SLC20A1: variants seen among roughly 807,000 people sequenced by gnomAD.
SLC20A1 encodes solute carrier family 20 member 1.
SLC20A1 carries 28 observed loss-of-function variants against 62.7 expected under a neutral mutation model. That is an observed-to-expected ratio of 0.45 (90% CI 0.33 to 0.61). The LOEUF (loss-of-function observed/expected upper bound fraction) is 0.61. Among genes scored for constraint, SLC20A1 ranks in the 20% least tolerant of loss-of-function variants. SLC20A1 has a pLI of 0.02. For missense variants in SLC20A1, 673 were observed against 838.6 expected (o/e 0.80, Z 2.44); for synonymous variants, 305 against 302.9 (o/e 1.01, Z -0.07).
chr2:112,648,494 ATTG>A (rs1686344668), intron 4 of SLC20A1, among the ~76,000 whole-genome samples: 3 of 152,226 alleles, frequency 2.0e-5, no homozygotes, highest in Non-Finnish European at 2.9e-5. Flanking sequence ...TTAACAATCC[ATTG>A]TAAGTTCTTA....
rs760782418 is a variant in SLC20A1 at position 112,661,195 on chromosome 2, T to G, written c.1847T>G (p.Ile616Ser). Reference protein sequence around the residue: ...SALTVVIASNIGLPISTTHCK... With the variant: ...SALTVVIASNSGLPISTTHCK... ...CTCACTGTGGTGATTGCATCAAATA[T>G]TGGCCTTCCCATCAGTACAACACAT... Residue 616 changes from isoleucine to serine, a missense_variant, in exon 10 of 11, where the codon ATT becomes AGT. Ile to Ser is a moderately radical substitution (Grantham distance 142, BLOSUM62 -2). Transcript: ENST00000272542. 1 of 1,614,028 alleles carries G rather than the reference T, an allele frequency of 6.2e-7. No homozygotes were observed. The highest frequency in any genetic ancestry group is 8.5e-7 in the Non-Finnish European group (1 of 1,179,870).
chr2:112,649,927 CA>C (rs1279706455), intron 4 of SLC20A1, among the ~76,000 whole-genome samples: 1 of 152,152 alleles, frequency 6.6e-6, no homozygotes, highest in Non-Finnish European at 1.5e-5. Flanking sequence ...ACATTATTTC[CA>C]GGTGAAGTTT....
At chr2:112,657,021 G>A (rs72823508) in intron 5 of SLC20A1, 101 bp from the exon 6 acceptor site, 166 of 1,370,740 alleles carry the variant, frequency 1.2e-4, no homozygotes, top group Non-Finnish European at 1.7e-4. Flanking sequence ...AGGGGTGATG[G>A]GCTGGTATGG....
chr2:112,653,895 C>T (rs1686512377), intron 5 of SLC20A1, among the ~76,000 whole-genome samples: 1 of 152,114 alleles, frequency 6.6e-6, no homozygotes, highest in African/African-American at 2.4e-5. Flanking sequence ...CGGGTTCAAG[C>T]AATTCTCCTG....
chr2:112,650,570 C>G (rs1487294747), intron 4 of SLC20A1, among the ~76,000 whole-genome samples: 2 of 151,818 alleles, frequency 1.3e-5, no homozygotes, highest in Non-Finnish European at 1.5e-5. Context: ...ACCTCAGGTG[C>G]TCTGTCCGTC....
intron 4 of SLC20A1, chr2:112,652,198 C>A: frequency 6.4e-6 from 1 of 157,330 alleles, no homozygotes; most frequent in Admixed American, 6.2e-5. Context: ...CAGTTATTAT[C>A]ATTGAACTTC....
In SLC20A1 at chr2:112,657,257, A is replaced by G; in HGVS notation, c.778+16A>G. On this transcript the variant is annotated intron_variant, in intron 6 of 10. Coordinates refer to ENST00000272542, the MANE Select transcript of SLC20A1 (RefSeq NM_005415.5). ...AAAATTGAACGTAAGTAATAACTAA[A>G]CAGCAGAAAAGTTTAACTACTAATG... 12 of 1,605,130 alleles carry G rather than the reference A, an allele frequency of 7.5e-6. No homozygotes were observed. The highest frequency in any genetic ancestry group is 1.0e-5 in the Non-Finnish European group (12 of 1,174,778).
intron 6 of SLC20A1, 135 bp downstream of exon 6, chr2:112,657,376 T>G (rs887111870): frequency 3.7e-5 from 34 of 917,930 alleles, no homozygotes; most frequent in African/African-American, 2.2e-4. Context: ...GATATGGGTT[T>G]GTTGTCCAAA....
Position 112,652,799 on chromosome 2 carries a change from G to A in SLC20A1, c.658+1G>A. 1.2e-6 allele frequency: 2 copies of A among 1,613,266 alleles called. No individual in the cohort carries two copies. The highest frequency in any genetic ancestry group is 2.2e-5 in the East Asian group (1 of 44,878). On this transcript the variant is annotated splice_donor_variant, in intron 5 of 10. Coordinates refer to ENST00000272542, the MANE Select transcript of SLC20A1 (RefSeq NM_005415.5). LOFTEE classifies it high-confidence loss of function. ...TCCATCATGTATACTGGAGCACCGT[G>A]TAAGTACCTATCAAAATATTTAAAT...
intron 4 of SLC20A1, 38 bp from the exon 5 acceptor site, chr2:112,652,664 A>G: frequency 6.6e-7 from 1 of 1,521,402 alleles, no homozygotes; most frequent in South Asian, 1.1e-5. Flanking sequence ...GTTAACCTTT[A>G]TACCTTTTAA....
chr2:112,660,362 C>A (rs1321587270), intron 8 of SLC20A1, 25 bp from the exon 9 acceptor site: 2 of 1,608,574 alleles, frequency 1.2e-6, no homozygotes, highest in Non-Finnish European at 1.7e-6. Context: ...TGAAAAGTCA[C>A]TTCTGCCCTC....
chr2:112,659,029 C>CAG lies in SLC20A1; in HGVS notation c.994_995dup (p.Leu333GlyfsTer7), dbSNP rs751319765. 1 of 1,613,432 alleles carries CAG rather than the reference C, an allele frequency of 6.2e-7. No individual in the cohort carries two copies. Among genetic ancestry groups the CAG allele is most frequent in the South Asian group, 1.1e-5 (1 of 91,010 alleles). ...AAACTTGGAGATTTGGAGGAAGCTC[C>CAG]AGAGAGAGAGAGGCTTCCCAGCGTG... On this transcript the variant is annotated frameshift_variant, in exon 7 of 11. Coordinates refer to ENST00000272542, the MANE Select transcript of SLC20A1 (RefSeq NM_005415.5). LOFTEE classifies it high-confidence loss of function.
At chr2:112,648,390 C>G (rs1686342565) in intron 4 of SLC20A1, among the ~76,000 whole-genome samples, 1 of 152,160 alleles carries the variant, frequency 6.6e-6, no homozygotes, top group South Asian at 2.1e-4. Context: ...TAAATGTTGA[C>G]AAGGGATTAT....
In SLC20A1 at chr2:112,653,388, A is replaced by G. The variant is rs148038524; in HGVS notation, c.658+590A>G. The G allele has an allele frequency of 3.4e-3, 569 of 165,812 alleles. 7 individuals are homozygous for G. Among genetic ancestry groups the G allele is most frequent in the African/African-American group, 0.013 (532 of 41,776 alleles). 10.3% of individuals were successfully genotyped at this position (165,812 alleles called of 1,614,324 possible). ...TTCATGTTTGGGACTAAGGCAAGGC[A>G]TGGATTAAATTATGGCGCTACAAGT... On this transcript the variant is annotated intron_variant, in intron 5 of 10. Transcript: ENST00000272542.
intron 5 of SLC20A1, 35 bp from the exon 6 acceptor site, chr2:112,657,087 C>G (rs1686610968): frequency 1.2e-6 from 2 of 1,613,458 alleles, no homozygotes; most frequent in Non-Finnish European, 1.7e-6. Context: ...GGCTGTTGCC[C>G]TGGGGTTTTC....
At position 112,647,315 on chromosome 2, in the gene SLC20A1, A is replaced by G. The variant is rs1300139233; in HGVS notation, c.335-9A>G. 1.5e-5 allele frequency: 24 copies of G among 1,609,238 alleles called. No homozygotes were observed. Among genetic ancestry groups the G allele is most frequent in the East Asian group, 4.5e-5 (2 of 44,850 alleles). ...GATATTTACTTAATAAAACTTTACT[A>G]TGTTTCAGGTTCTGCTGTGTGGCAA... is the stretch of plus-strand genomic sequence containing the variant. On this transcript the variant is annotated splice_polypyrimidine_tract_variant and intron_variant, in intron 2 of 10. Transcript: ENST00000272542.
intron 10 of SLC20A1, 106 bp from the exon 11 acceptor site, chr2:112,662,758 T>C (rs1686785170): frequency 3.5e-6 from 4 of 1,131,516 alleles, no homozygotes; most frequent in Non-Finnish European, 3.8e-6. Context: ...GGACTTTGTC[T>C]TGTCCAGGGG....
At position 112,659,618 on chromosome 2, in the gene SLC20A1, T is replaced by C. The variant is rs767378891; in HGVS notation, c.1463T>C (p.Met488Thr). ...SEIDMSVKAE[M>T]GLGDRKGSNG... ...ATAGACATGAGTGTCAAGGCAGAGATGGGTCTAGGTGACAGAAAAGGAAGT... is the reference window on the plus strand; with the variant it reads ...ATAGACATGAGTGTCAAGGCAGAGACGGGTCTAGGTGACAGAAAAGGAAGT... The change falls in exon 8 of 11, where the codon ATG becomes ACG. Residue 488 changes from methionine (M) to threonine (T), a missense_variant. Physicochemically the swap from Met to Thr is moderately conservative, Grantham distance 81. Coordinates refer to ENST00000272542, the MANE Select transcript of SLC20A1 (RefSeq NM_005415.5). The C allele has an allele frequency of 6.2e-7, 1 of 1,614,208 alleles. No individual in the cohort carries two copies. The highest frequency in any genetic ancestry group is 8.5e-7 in the Non-Finnish European group (1 of 1,180,030).
intron 5 of SLC20A1, chr2:112,653,079 CTA>C: frequency 5.0e-6 from 3 of 604,090 alleles, no homozygotes; most frequent in Non-Finnish European, 8.4e-6. Context: ...TTTCTCCTGT[CTA>C]TGCTAAAAAT....
Sources: gnomAD v4.1 joint callset for allele counts (sites outside exome capture counted in the v4.1 genomes callset) on GRCh38, gnomAD v4.1.1 for gene constraint, MANE v1.5 for transcripts, NCBI Gene and HGNC (gene_info 2026-07-23, HGNC 2026-07-21) for gene names.